IL10RA: variants seen among roughly 807,000 people sequenced by gnomAD.
The protein encoded by IL10RA is interleukin 10 receptor subunit alpha, also known as interleukin-10 receptor subunit alpha.
IL10RA carries 18 observed loss-of-function variants against 29.6 expected under a neutral mutation model. That is an observed-to-expected ratio of 0.61 (90% confidence interval 0.42 to 0.90). The LOEUF is 0.90. IL10RA is among the 40% of genes least tolerant of loss of function. IL10RA has a pLI of 0.00. For synonymous variants in IL10RA, 292 were observed against 294.1 expected (o/e 0.99, Z 0.07); for missense variants, 634 against 716.6 (o/e 0.88, Z 1.32).
chr11:117,989,344 CAA>C lies in IL10RA; in HGVS notation c.189-97_189-96del. 9.1e-7 allele frequency: 1 copy of C among 1,093,538 alleles called. No homozygotes were observed. The highest frequency in any genetic ancestry group is 1.5e-5 in the African/African-American group (1 of 64,880). 67.7% of individuals were successfully genotyped at this position (1,093,538 alleles called of 1,614,324 possible). On this transcript the variant is annotated intron_variant, in intron 2 of 6. Transcript: ENST00000227752. The surrounding 1 kb of genome is among the most constrained non-coding windows in gnomAD (Gnocchi z 4.5). ...GCCTGAGGGCTGTCCCAGTTTCTCCCAATGTGGGAGCTCTCTTCCTGGCCTCT... is the reference window on the plus strand; with the variant it reads ...GCCTGAGGGCTGTCCCAGTTTCTCCCTGTGGGAGCTCTCTTCCTGGCCTCT...
Position 117,998,984 on chromosome 11 carries a change from C to T in IL10RA, c.1080C>T (p.Cys360=). ...AGCCCCCTGTGCTGGGGGACAGCTG[C>T]AGTAGTGGCAGCAGCAATAGCACAG... ...NREPPVLGDS[C]SSGSSNSTDS... is the part of the protein sequence containing the mutation. Residue 360 remains cysteine (C), a synonymous_variant, in exon 7 of 7, where the codon TGC becomes TGT. Coordinates refer to ENST00000227752, the MANE Select transcript of IL10RA (RefSeq NM_001558.4). The T allele has an allele frequency of 6.2e-7, 1 of 1,613,662 alleles. No individual in the cohort carries two copies. The highest frequency in any genetic ancestry group is 8.5e-7 in the Non-Finnish European group (1 of 1,179,696).
Position 118,001,000 on chromosome 11 carries a change from C to T in IL10RA, c.*1359C>T. On this transcript the variant is annotated 3_prime_UTR_variant, in exon 7 of 7. Transcript: ENST00000227752. The stretch of plus-strand genomic sequence containing the variant: ...GAGGGGACAGGCCTGTGCGTGCCAT[C>T]CAGAGTCATCTCAGCCCTGCCTTTC... 2.2e-6 allele frequency: 1 copy of T among 454,200 alleles called. No individual in the cohort carries two copies. Among genetic ancestry groups the T allele is most frequent in the Non-Finnish European group, 4.4e-6 (1 of 226,784 alleles). The allele number at this position is 454,200 out of a possible 1,614,324, so 28.1% of individuals were successfully genotyped here.
intron 3 of IL10RA, among the ~76,000 whole-genome samples, chr11:117,991,323 C>A (rs998383927): frequency 1.3e-5 from 2 of 152,118 alleles, no homozygotes; most frequent in African/African-American, 2.4e-5. Flanking sequence ...ATACATAATA[C>A]ATGTATACCT....
chr11:117,998,955 A>G lies in IL10RA; in HGVS notation c.1051A>G (p.Arg351Gly), dbSNP rs2229113. 0.71 allele frequency: 1,139,754 copies of G among 1,612,978 alleles called. 406,779 individuals are homozygous for G. The highest frequency in any genetic ancestry group is 1 in the East Asian group (44,725 of 44,840). Residue 351 changes from arginine to glycine, a missense_variant, in exon 7 of 7, where the codon AGG becomes GGG. Physicochemically the swap from Arg to Gly is moderately radical, Grantham distance 125. Transcript: ENST00000227752. ...CCAGGCTGACAGAACGCTGGGAAAC[A>G]GGGAGCCCCCTGTGCTGGGGGACAG... ...HPQADRTLGNREPPVLGDSCS... is the reference protein window; with the variant it reads ...HPQADRTLGNGEPPVLGDSCS...
At chr11:117,991,006 G>T (rs1037211119) in intron 3 of IL10RA, among the ~76,000 whole-genome samples, 5 of 152,206 alleles carry the variant, frequency 3.3e-5, no homozygotes, top group South Asian at 2.1e-4. Flanking sequence ...AGACCAGCCT[G>T]GCTGACAAGG....
In IL10RA at chr11:117,989,147, TG is replaced by T. The variant is rs553517198; in HGVS notation, c.189-291del. On this transcript the variant is annotated intron_variant, in intron 2 of 6. Coordinates refer to ENST00000227752, the MANE Select transcript of IL10RA (RefSeq NM_001558.4). The surrounding 1 kb of genome is among the most constrained non-coding windows in gnomAD (Gnocchi z 4.5). ...GGAACACTAATGACTGTAAAGGCAG[TG>T]GGGAGAAGGGAGAGACCAGGCTGTG... 1.2e-3 allele frequency among the ~76,000 whole-genome samples: 180 copies of T among 152,298 alleles called. 2 individuals carry two copies. The highest frequency in any genetic ancestry group is 4.2e-3 in the African/African-American group (173 of 41,552).
Position 118,000,972 on chromosome 11 carries a change from TG to T in IL10RA, c.*1332del, listed in dbSNP as rs1164128922. On this transcript the variant is annotated 3_prime_UTR_variant, in exon 7 of 7. Coordinates refer to ENST00000227752, the MANE Select transcript of IL10RA (RefSeq NM_001558.4). Reference sequence around the variant, plus strand: ...CAGTTCAGTCCACAGGCATGGAAGCTGTGAGGGGACAGGCCTGTGCGTGCCA... The same window carrying T: ...CAGTTCAGTCCACAGGCATGGAAGCTTGAGGGGACAGGCCTGTGCGTGCCA... 2.2e-6 allele frequency: 1 copy of T among 454,012 alleles called. No homozygotes were observed. The highest frequency in any genetic ancestry group is 4.4e-6 in the Non-Finnish European group (1 of 226,716). The allele number at this position is 454,012 out of a possible 1,614,324, so 28.1% of individuals were successfully genotyped here.
chr11:117,998,628 C>T (rs2058071049), intron 6 of IL10RA, 87 bp from the exon 7 acceptor site: 3 of 1,142,512 alleles, frequency 2.6e-6, no homozygotes, highest in Non-Finnish European at 4.0e-6. Context: ...ATCGAGCTCT[C>T]CTCCTGGGCC....
chr11:117,993,215 T>G (rs770686224), intron 3 of IL10RA, 26 bp from the exon 4 acceptor site: 1 of 1,611,620 alleles, frequency 6.2e-7, no homozygotes, highest in Non-Finnish European at 8.5e-7. Context: ...TCTCATGGTA[T>G]TCCCCCCCAC....
At chr11:117,996,225 G>A (rs1471034676) in intron 6 of IL10RA, among the ~76,000 whole-genome samples, 2 of 152,076 alleles carry the variant, frequency 1.3e-5, no homozygotes, top group African/African-American at 2.4e-5. Context: ...TGCTGCCAGA[G>A]TGGGCCAGAG....
chr11:117,991,241 C>T (rs776710448), intron 3 of IL10RA, among the ~76,000 whole-genome samples: 14 of 151,884 alleles, frequency 9.2e-5, no homozygotes, highest in South Asian at 2.1e-4. Flanking sequence ...GTGTTGAAAA[C>T]GTTTTATAAA....
intron 6 of IL10RA, among the ~76,000 whole-genome samples, chr11:117,996,380 A>G (rs1174376339): frequency 1.3e-5 from 2 of 152,178 alleles, no homozygotes; most frequent in Non-Finnish European, 2.9e-5. Context: ...GACAAATGAT[A>G]CATTTGTGGC....
Position 117,995,606 on chromosome 11 carries a change from G to A in IL10RA, c.706G>A (p.Val236Ile), listed in dbSNP as rs35473928. 2.4e-4 allele frequency: 385 copies of A among 1,614,152 alleles called. No homozygotes were observed. Among genetic ancestry groups the A allele is most frequent in the South Asian group, 7.0e-4 (64 of 91,088 alleles). ...GCCTGCAGATTTCACCGTGACCAAC[G>A]TCATCATCTTCTTTGCCTTTGTCCT... is the stretch of plus-strand genomic sequence containing the variant. ...LTRQYFTVTNVIIFFAFVLLL... is the reference protein window; with the variant it reads ...LTRQYFTVTNIIIFFAFVLLL... Residue 236 changes from valine (V) to isoleucine (I), a missense_variant, in exon 6 of 7, where the codon GTC becomes ATC. Val to Ile is a conservative substitution (Grantham distance 29, BLOSUM62 3). Coordinates refer to ENST00000227752, the MANE Select transcript of IL10RA (RefSeq NM_001558.4).
chr11:117,993,131 C>T (rs4252270), intron 3 of IL10RA, 110 bp from the exon 4 acceptor site: 109,794 of 997,656 alleles, frequency 0.11, 6,366 homozygotes, highest in African/African-American at 0.16. Flanking sequence ...AAGTTTTAGG[C>T]CTAGGTTCTA....
At chr11:117,997,772 A>G (rs1157862433) in intron 6 of IL10RA, among the ~76,000 whole-genome samples, 2 of 152,186 alleles carry the variant, frequency 1.3e-5, no homozygotes, top group African/African-American at 2.4e-5. Context: ...TAATTCTAGG[A>G]ACAAAGTGCT....
At position 118,000,875 on chromosome 11, in the gene IL10RA, C is replaced by G. The variant is rs1452966982; in HGVS notation, c.*1234C>G. The stretch of plus-strand genomic sequence containing the variant: ...GGTGTCATGCCAAGACAGTATCAGA[C>G]ACAGCCCCAGAAGGGGGCATTATGG... On this transcript the variant is annotated 3_prime_UTR_variant, in exon 7 of 7. Transcript: ENST00000227752. 1 of 454,262 alleles carries G rather than the reference C, an allele frequency of 2.2e-6. No homozygotes were observed. 28.1% of individuals were successfully genotyped at this position (454,262 alleles called of 1,614,324 possible).
chr11:117,986,734 A>G (rs960684697), intron 1 of IL10RA, 200 bp downstream of exon 1: 78 of 1,533,454 alleles, frequency 5.1e-5, no homozygotes, highest in Non-Finnish European at 6.5e-5. Flanking sequence ...GAACTGACGG[A>G]TTGGGAAGGA....
Position 117,998,749 on chromosome 11 carries a change from G to C in IL10RA, c.845G>C (p.Ser282Thr). 1 of 1,614,118 alleles carries C rather than the reference G, an allele frequency of 6.2e-7. No individual in the cohort carries two copies. Among genetic ancestry groups the C allele is most frequent in the Non-Finnish European group, 8.5e-7 (1 of 1,180,016 alleles). ...AAGCCCAGCCCCTTCATCTTCATCA[G>C]CCAGCGTCCCTCCCCAGAGACCCAA... ...FKKPSPFIFI[S>T]QRPSPETQDT... Residue 282 changes from serine to threonine, a missense_variant, in exon 7 of 7, where the codon AGC becomes ACC. Transcript: ENST00000227752.
At chr11:117,993,514 A>C in intron 4 of IL10RA, 104 bp downstream of exon 4, 1 of 1,030,536 alleles carries the variant, frequency 9.7e-7, no homozygotes, top group Non-Finnish European at 1.5e-6. Flanking sequence ...TTATGGACTA[A>C]AGGGAGGGTC....
Sources: gnomAD v4.1 joint callset for allele counts (sites outside exome capture counted in the v4.1 genomes callset) on GRCh38, gnomAD v4.1.1 for gene constraint, Gnocchi (gnomAD v3.1) non-coding constraint, MANE v1.5 for transcripts, NCBI Gene and HGNC (gene_info 2026-07-23, HGNC 2026-07-21) for gene names.